Variants in HGF observed in about 807,000 individuals in gnomAD.
The protein encoded by HGF is fibroblast-derived tumor cytotoxic factor.
HGF carries 39 observed loss-of-function variants against 111.6 expected under a neutral mutation model. The observed-to-expected ratio is 0.35, with a 90% CI of 0.27 to 0.46. The LOEUF (loss-of-function observed/expected upper bound fraction) is 0.46, where lower values mean the gene tolerates loss of function less well. Among genes scored for constraint, HGF ranks in the 20% least tolerant of loss-of-function variants. The pLI is 1.00. For synonymous variants in HGF, 285 were observed against 294.8 expected (o/e 0.97, Z 0.34); for missense variants, 735 against 910.5 (o/e 0.81, Z 2.48).
At chr7:81,716,957 T>C (rs1167879117) in intron 11 of HGF, among the ~76,000 whole-genome samples, 1 of 152,086 alleles carries the variant, frequency 6.6e-6, no homozygotes, top group East Asian at 1.9e-4. Context: ...TGTGGCCAAT[T>C]AATGCTTTCG....
chr7:81,715,969 T>C lies in HGF; in HGVS notation c.1405+1263A>G, dbSNP rs746373139. ...GGTTTAACATTGTGGTAAAGGATGTTCGTTGTAAACATAGAGTTACAGATA... is the reference window on the plus strand; with the variant it reads ...GGTTTAACATTGTGGTAAAGGATGTCCGTTGTAAACATAGAGTTACAGATA... On this transcript the variant is annotated intron_variant, in intron 11 of 17. Coordinates refer to ENST00000222390, the MANE Select transcript of HGF (RefSeq NM_000601.6). Among the ~76,000 whole-genome samples the C allele has an allele frequency of 6.6e-5, 10 of 152,308 alleles. No individual in the cohort carries two copies. In the Middle Eastern group the frequency reaches 0.01, roughly 155 times the overall value.
intron 5 of HGF, chr7:81,751,448 C>T: frequency 2.0e-6 from 2 of 984,588 alleles, no homozygotes. Context: ...AAGGACAATG[C>T]CCTTTTATGC....
chr7:81,742,705 G>A (rs1431254144), intron 7 of HGF: 2 of 1,395,288 alleles, frequency 1.4e-6, no homozygotes, highest in Admixed American at 5.7e-5. Context: ...TTAAAAAATA[G>A]TTTTTATTGT....
intron 5 of HGF, chr7:81,750,903 T>A: frequency 1.3e-5 from 11 of 849,954 alleles, no homozygotes; most frequent in Non-Finnish European, 1.6e-5. Flanking sequence ...CAAAACGTGA[T>A]CATAGAAAAG....
At chr7:81,767,957 C>T (rs1789447506) in intron 1 of HGF, among the ~76,000 whole-genome samples, 1 of 152,120 alleles carries the variant, frequency 6.6e-6, no homozygotes, top group African/African-American at 2.4e-5. Flanking sequence ...GCCATCTAAA[C>T]AAAGGCGCAC....
intron 10 of HGF, among the ~76,000 whole-genome samples, chr7:81,717,685 A>T (rs922125769): frequency 6.6e-6 from 1 of 152,044 alleles, no homozygotes; most frequent in Non-Finnish European, 1.5e-5. Context: ...TAAGAAAAAC[A>T]TTGTCTAAAG....
At chr7:81,711,063 G>T (rs1343426667) in intron 12 of HGF, among the ~76,000 whole-genome samples, 11 of 152,290 alleles carry the variant, frequency 7.2e-5, no homozygotes, top group African/African-American at 2.6e-4. Flanking sequence ...TGTAGGGCAT[G>T]CAGAGAAGTT....
rs1789231798 is a variant in HGF at position 81,699,584 on chromosome 7, C to T, written c.*2997G>A. 6.6e-6 allele frequency: 1 copy of T among 151,516 alleles called. No individual in the cohort carries two copies. Among genetic ancestry groups the T allele is most frequent in the Non-Finnish European group, 1.5e-5 (1 of 67,674 alleles). 9.4% of individuals were successfully genotyped at this position (151,516 alleles called of 1,614,324 possible). ...TTATTAAAATTCTTTACCACATGATCTCTATATTGCAAAACCAGTATTTCT... is the reference window on the plus strand; with the variant it reads ...TTATTAAAATTCTTTACCACATGATTTCTATATTGCAAAACCAGTATTTCT... On this transcript the variant is annotated 3_prime_UTR_variant, in exon 18 of 18. Coordinates refer to ENST00000222390, the MANE Select transcript of HGF (RefSeq NM_000601.6).
At position 81,763,030 on chromosome 7, in the gene HGF, T is replaced by C. The variant is rs1405041273; in HGVS notation, c.89-158A>G. 4.9e-6 allele frequency: 3 copies of C among 606,296 alleles called. No homozygotes were observed. The South Asian group carries it at 6.1e-5, about 12-fold the overall frequency. The allele number at this position is 606,296 out of a possible 1,614,324, so 37.6% of individuals were successfully genotyped here. Reference sequence around the variant, plus strand: ...AGGAGCAGAGTGAGGTAGGGAATAGTTAAGAGAAAGAGAGGAATATTGTAA... The same window carrying C: ...AGGAGCAGAGTGAGGTAGGGAATAGCTAAGAGAAAGAGAGGAATATTGTAA... On this transcript the variant is annotated intron_variant, in intron 1 of 17. Transcript: ENST00000222390.
At chr7:81,758,455 A>G (rs994285583) in intron 3 of HGF, among the ~76,000 whole-genome samples, 56 of 152,014 alleles carry the variant, frequency 3.7e-4, no homozygotes, top group Admixed American at 3.4e-3. Flanking sequence ...ATAAAAATAA[A>G]CAGAGGGAGG....
At chr7:81,741,979 A>G (rs1428378892) in intron 7 of HGF, among the ~76,000 whole-genome samples, 1 of 150,930 alleles carries the variant, frequency 6.6e-6, no homozygotes, top group Non-Finnish European at 1.5e-5. Flanking sequence ...TAAACCACAC[A>G]TACATACACA....
intron 6 of HGF, among the ~76,000 whole-genome samples, chr7:81,744,778 A>G (rs1002388734): frequency 1.3e-5 from 2 of 152,160 alleles, no homozygotes; most frequent in African/African-American, 4.8e-5. Context: ...CAGTGTTCTC[A>G]TGTACCTCAT....
chr7:81,707,254 A>G (rs758387409), intron 14 of HGF, 36 bp downstream of exon 14: 39 of 1,180,284 alleles, frequency 3.3e-5, no homozygotes, highest in Non-Finnish European at 4.8e-5. Flanking sequence ...CACATTTTAA[A>G]GGCTCAAAAT....
chr7:81,769,035 C>T (rs1019072592), intron 1 of HGF, among the ~76,000 whole-genome samples: 6 of 152,008 alleles, frequency 3.9e-5, no homozygotes, highest in Non-Finnish European at 7.4e-5. Context: ...TCTTTTATTC[C>T]CCTGCGCCTA....
chr7:81,721,070 C>T (rs1187345636), intron 9 of HGF, among the ~76,000 whole-genome samples: 1 of 152,024 alleles, frequency 6.6e-6, no homozygotes, highest in East Asian at 1.9e-4. Context: ...ACGGTGAAAC[C>T]CTGTCTCTAC....
rs1789996359 is a variant in HGF at position 81,725,981 on chromosome 7, C to A, written c.1077G>T (p.Gly359=). 1 of 1,613,830 alleles carries A rather than the reference C, an allele frequency of 6.2e-7. No individual in the cohort carries two copies. The change falls in exon 9 of 18, where the codon GGG becomes GGT. Residue 359 remains glycine, a synonymous_variant. Transcript: ENST00000222390. ...LRENYCRNPD[G]SESPWCFTTD... Reference sequence around the variant, plus strand: ...TGGTAAAACACCAGGGTGATTCAGACCCATCTGGATTTCGGCAGTAATTTT... The same window carrying A: ...TGGTAAAACACCAGGGTGATTCAGAACCATCTGGATTTCGGCAGTAATTTT...
At position 81,751,442 on chromosome 7, in the gene HGF, A is replaced by G. The variant is rs919240640; in HGVS notation, c.625+678T>C. ...TCAGTTTTCCACTGCAAAAGTAAGG[A>G]CAATGCCCTTTTATGCTGTGAGAAG... On this transcript the variant is annotated intron_variant, in intron 5 of 17. Coordinates refer to ENST00000222390, the MANE Select transcript of HGF (RefSeq NM_000601.6). 5 of 985,208 alleles carry G rather than the reference A, an allele frequency of 5.1e-6. No homozygotes were observed. The Admixed American group carries it at 2.5e-4, about 48-fold the overall frequency. 61.0% of individuals were successfully genotyped at this position (985,208 alleles called of 1,614,324 possible).
At chr7:81,761,690 CA>C (rs1268325077) in intron 2 of HGF, among the ~76,000 whole-genome samples, 1 of 147,924 alleles carries the variant, frequency 6.8e-6, no homozygotes, top group Non-Finnish European at 1.5e-5. Context: ...CCTCTTAGCC[CA>C]AAACAAAGAG....
chr7:81,727,723 C>T (rs1339211152), intron 8 of HGF, among the ~76,000 whole-genome samples: 1 of 152,064 alleles, frequency 6.6e-6, no homozygotes, highest in Non-Finnish European at 1.5e-5. Context: ...TGACCTCAAG[C>T]CATCCTCCCG....
Sources: gnomAD v4.1 joint callset for allele counts (sites outside exome capture counted in the v4.1 genomes callset) on GRCh38, gnomAD v4.1.1 for gene constraint, MANE v1.5 for transcripts, NCBI Gene and HGNC (gene_info 2026-07-23, HGNC 2026-07-21) for gene names.